CPVL: variants seen among roughly 807,000 people sequenced by gnomAD.
The protein encoded by CPVL is carboxypeptidase vitellogenic like.
Under a neutral mutation model 63.7 loss-of-function variants are expected in CPVL, and 51 were observed. The ratio of observed to expected loss-of-function variants is 0.80; its 90% confidence interval spans 0.64 to 1.01. The LOEUF (loss-of-function observed/expected upper bound fraction) is 1.01, where lower values mean the gene tolerates loss of function less well. CPVL is among the 50% of genes least tolerant of loss of function. The pLI is 0.00. For missense variants in CPVL, 530 were observed against 573.1 expected (o/e 0.92, Z 0.77); for synonymous variants, 195 against 206.0 (o/e 0.95, Z 0.46).
At chr7:29,152,498 T>C (rs951658894) in intron 5 of CPVL, among the ~76,000 whole-genome samples, 3 of 152,182 alleles carry the variant, frequency 2.0e-5, no homozygotes, top group Non-Finnish European at 2.9e-5. Flanking sequence ...CCACCTTTAC[T>C]GAGCCAAGGA....
At chr7:29,095,754 G>A (rs1485231946) in intron 4 of CPVL, among the ~76,000 whole-genome samples, 1 of 152,088 alleles carries the variant, frequency 6.6e-6, no homozygotes, top group Non-Finnish European at 1.5e-5. Flanking sequence ...TTTAGTTCAT[G>A]TGAGTAATTA....
At chr7:29,023,933 AAAAGC>A (rs1451881370) in intron 12 of CPVL, among the ~76,000 whole-genome samples, 3 of 152,234 alleles carry the variant, frequency 2.0e-5, no homozygotes, top group African/African-American at 7.2e-5. Flanking sequence ...ACAAACATGA[AAAAGC>A]AAGGAAATGT....
chr7:29,157,122 C>T (rs1249786686), intron 5 of CPVL, among the ~76,000 whole-genome samples: 1 of 152,170 alleles, frequency 6.6e-6, no homozygotes, highest in East Asian at 1.9e-4. Flanking sequence ...AATTTTATCC[C>T]TCTTTATTTC....
At chr7:29,073,590 G>C (rs1783959419) in intron 7 of CPVL, among the ~76,000 whole-genome samples, 1 of 152,080 alleles carries the variant, frequency 6.6e-6, no homozygotes, top group Non-Finnish European at 1.5e-5. Flanking sequence ...CCAGGCCTTT[G>C]GACCAGCCAT....
intron 7 of CPVL, among the ~76,000 whole-genome samples, chr7:29,077,825 C>T (rs557351216): frequency 6.6e-6 from 1 of 152,236 alleles, no homozygotes; most frequent in Admixed American, 6.5e-5. Context: ...ACTGAACACC[C>T]CAGGAAAGCC....
At chr7:29,146,877 T>C (rs140083937), upstream of CPVL, 3 of 1,551,072 alleles carry the variant, frequency 1.9e-6, no homozygotes, top group Non-Finnish European at 1.7e-6. Flanking sequence ...GGATTTACAT[T>C]TGGAAAGCGA....
intron 7 of CPVL, among the ~76,000 whole-genome samples, chr7:29,082,814 T>G (rs1784861700): frequency 6.6e-6 from 1 of 152,200 alleles, no homozygotes; most frequent in Non-Finnish European, 1.5e-5. Flanking sequence ...TCATCTGGGA[T>G]TTGGCAGTTT....
At chr7:29,067,001 G>A (rs773369618) in intron 9 of CPVL, among the ~76,000 whole-genome samples, 4 of 152,190 alleles carry the variant, frequency 2.6e-5, no homozygotes, top group African/African-American at 7.2e-5. Context: ...AGACTTGAGG[G>A]GGTTAGAGAT....
intron 2 of CPVL, 138 bp from the exon 3 acceptor site, chr7:29,112,960 G>A: frequency 1.7e-6 from 1 of 604,858 alleles, no homozygotes. Flanking sequence ...AGTTCCTTCA[G>A]CAAATTCCAG....
chr7:29,149,413 C>T (rs1190478216), upstream of CPVL, among the ~76,000 whole-genome samples: 2 of 151,944 alleles, frequency 1.3e-5, no homozygotes, highest in South Asian at 2.1e-4. Flanking sequence ...AGGCTGGTCT[C>T]GAACTCCTGA....
At chr7:29,034,851 T>TG (rs1304122287) in intron 11 of CPVL, among the ~76,000 whole-genome samples, 6 of 74,242 alleles carry the variant, frequency 8.1e-5, no homozygotes, top group East Asian at 2.9e-4. Context: ...GCTTTTATAA[T>TG]GGAAAAAAAA....
intron 2 of CPVL, 150 bp from the exon 3 acceptor site, chr7:29,112,972 C>T (rs1329532884): frequency 6.8e-6 from 4 of 591,604 alleles, no homozygotes; most frequent in Non-Finnish European, 1.2e-5. Flanking sequence ...AAATTCCAGC[C>T]TGCCCCTGGC....
At chr7:29,137,705 C>T (rs1320057588) in intron 1 of CPVL, among the ~76,000 whole-genome samples, 3 of 152,148 alleles carry the variant, frequency 2.0e-5, no homozygotes, top group Admixed American at 6.5e-5. Context: ...AAAACCTTAC[C>T]GAGGACTCCT....
chr7:29,082,317 G>A (rs1784808127), intron 7 of CPVL: 1 of 152,150 alleles, frequency 6.6e-6, no homozygotes, highest in Non-Finnish European at 1.5e-5. Context: ...TCATCTGATT[G>A]TTAGATGAAA....
chr7:29,071,930 A>G lies in CPVL; in HGVS notation c.733-26T>C, dbSNP rs56680259. ...CTGAGGACAAAAAAGACACACATCA[A>G]TGTGACAAAGGGAGAGAAAGAGACC... On this transcript the variant is annotated intron_variant, in intron 8 of 12. Coordinates refer to ENST00000265394, the MANE Select transcript of CPVL (RefSeq NM_031311.5). The G allele has an allele frequency of 0.021, 34,098 of 1,613,370 alleles. 5,892 individuals carry two copies. In the African/African-American group the frequency reaches 0.39, roughly 18 times the overall value.
intron 11 of CPVL, among the ~76,000 whole-genome samples, chr7:29,043,816 T>C (rs1789358638): frequency 6.6e-6 from 1 of 152,084 alleles, no homozygotes; most frequent in East Asian, 1.9e-4. Flanking sequence ...GCCCAGAACA[T>C]ATGACTGGGG....
At chr7:29,082,870 A>T (rs539061880) in intron 7 of CPVL, among the ~76,000 whole-genome samples, 1 of 152,222 alleles carries the variant, frequency 6.6e-6, no homozygotes, top group Non-Finnish European at 1.5e-5. Context: ...ATGGTTAACA[A>T]CATCACCACA....
chr7:29,139,814 A>T (rs962985855), intron 1 of CPVL, among the ~76,000 whole-genome samples: 9 of 152,162 alleles, frequency 5.9e-5, no homozygotes, highest in Admixed American at 5.9e-4. Context: ...TTCTACCAAC[A>T]TGCCAATAGT....
At chr7:29,012,009 G>C (rs1035783623) in intron 12 of CPVL, 5 of 152,170 alleles carry the variant, frequency 3.3e-5, no homozygotes, top group Non-Finnish European at 7.3e-5. Flanking sequence ...TTAGAGGTTA[G>C]AGAAAATAAA....
Sources: allele counts gnomAD v4.1 joint callset (sites outside exome capture counted in the v4.1 genomes callset), GRCh38; gene constraint gnomAD v4.1.1; transcripts MANE v1.5; gene names NCBI Gene and HGNC (gene_info 2026-07-23, HGNC 2026-07-21).